Variants in FAF1 observed in about 807,000 individuals in gnomAD.
FAF1 encodes the protein Fas associated factor 1.
Under a neutral mutation model 92.5 loss-of-function variants are expected in FAF1, and 25 were observed. That is an observed-to-expected ratio of 0.27 (90% CI 0.20 to 0.38). The LOEUF is 0.38. FAF1 is among the 10% of genes least tolerant of loss of function. The pLI is 1.00. For missense variants in FAF1, 636 were observed against 793.3 expected (o/e 0.80, Z 2.38); for synonymous variants, 234 against 273.2 (o/e 0.86, Z 1.42).
rs529863954 is a variant in FAF1, at chr1:50,857,248, A to G, written c.114+681T>C. Among the ~76,000 whole-genome samples, 707 of 151,954 alleles carry G rather than the reference A, an allele frequency of 4.7e-3. 4 individuals carry two copies. Among genetic ancestry groups the G allele is most frequent in the African/African-American group, 0.014 (578 of 41,502 alleles). On this transcript the variant is annotated intron_variant, in intron 2 of 18. Coordinates refer to ENST00000396153, the MANE Select transcript of FAF1 (RefSeq NM_007051.3). ...TACCTACATATCTAAACTCACTTCTATAAGTACACATCTTAAGTTTTGACT... is the reference window on the plus strand; with the variant it reads ...TACCTACATATCTAAACTCACTTCTGTAAGTACACATCTTAAGTTTTGACT...
At chr1:50,952,586 G>A (rs1455870827) in intron 1 of FAF1, among the ~76,000 whole-genome samples, 1 of 152,166 alleles carries the variant, frequency 6.6e-6, no homozygotes, top group Non-Finnish European at 1.5e-5. Flanking sequence ...GGGATGTGAG[G>A]AGCCCCTCTG....
chr1:50,743,782 A>G (rs183538149), intron 5 of FAF1, among the ~76,000 whole-genome samples: 49 of 152,112 alleles, frequency 3.2e-4, no homozygotes, highest in African/African-American at 1.1e-3. Flanking sequence ...AAGAAAAAAA[A>G]GTGTGTAAGC....
chr1:50,546,250 T>C (rs1262699062), intron 13 of FAF1, among the ~76,000 whole-genome samples: 1 of 152,236 alleles, frequency 6.6e-6, no homozygotes, highest in African/African-American at 2.4e-5. Context: ...TAGATTTCTT[T>C]ATTAACTGAT....
intron 1 of FAF1, among the ~76,000 whole-genome samples, chr1:50,890,796 T>C (rs895922036): frequency 6.6e-6 from 1 of 152,188 alleles, no homozygotes; most frequent in Non-Finnish European, 1.5e-5. Context: ...CCCTTAACAT[T>C]TTTTCCTTCA....
intron 7 of FAF1, among the ~76,000 whole-genome samples, chr1:50,692,255 G>GTA (rs2124395438): frequency 6.9e-6 from 1 of 145,326 alleles, no homozygotes; most frequent in African/African-American, 2.5e-5. Flanking sequence ...GTGTGTGTGT[G>GTA]TGTGTGTGTG....
At chr1:50,850,212 G>T (rs557206229) in intron 2 of FAF1, among the ~76,000 whole-genome samples, 1 of 152,094 alleles carries the variant, frequency 6.6e-6, no homozygotes, top group South Asian at 2.1e-4. Flanking sequence ...CTTAGAGGTA[G>T]AAATACATAC....
In FAF1 at chr1:50,805,228, C is replaced by A. The variant is rs61643320; in HGVS notation, c.115-3551G>T. 7.7e-3 allele frequency among the ~76,000 whole-genome samples: 1,177 copies of A among 152,200 alleles called. 12 individuals are homozygous for A. The highest frequency in any genetic ancestry group is 0.027 in the African/African-American group (1,138 of 41,522). On this transcript the variant is annotated intron_variant, in intron 2 of 18. Transcript: ENST00000396153. ...AATGTATTTTAAGAAGAACATCTTG[C>A]CTTGACCTAGTTTATACTCATTTGA...
intron 15 of FAF1, among the ~76,000 whole-genome samples, chr1:50,528,950 A>G (rs1479398816): frequency 6.6e-6 from 1 of 152,140 alleles, no homozygotes; most frequent in Non-Finnish European, 1.5e-5. Context: ...TTATTTCTCT[A>G]GTTCACTTTA....
chr1:50,622,711 A>G (rs1277488735), intron 8 of FAF1, among the ~76,000 whole-genome samples: 1 of 152,156 alleles, frequency 6.6e-6, no homozygotes, highest in Non-Finnish European at 1.5e-5. Flanking sequence ...AGGATGGTAA[A>G]GAGGAACAGA....
At chr1:50,685,487 A>C (rs944805924) in intron 7 of FAF1, among the ~76,000 whole-genome samples, 9 of 152,210 alleles carry the variant, frequency 5.9e-5, no homozygotes, top group Admixed American at 5.9e-4. Context: ...AAGCACTACA[A>C]ATCATAAAAT....
chr1:50,519,199 G>A (rs934603875), intron 15 of FAF1, among the ~76,000 whole-genome samples: 3 of 151,832 alleles, frequency 2.0e-5, no homozygotes, highest in African/African-American at 7.3e-5. Context: ...GTGTAGTGGT[G>A]GGCACCTGAA....
chr1:50,575,124 G>T lies in FAF1; in HGVS notation c.1113+7494C>A, dbSNP rs1650664245. Among the ~76,000 whole-genome samples the T allele has an allele frequency of 5.9e-5, 9 of 152,148 alleles. No homozygotes were observed. The South Asian group carries it at 1.9e-3, about 32-fold the overall frequency. On this transcript the variant is annotated intron_variant, in intron 12 of 18. Transcript: ENST00000396153. ...GGGGTTTCACCGTGTTAGCCAGGAT[G>T]ATCTTGATCTCTTGACCTCGTGATC...
At chr1:50,442,694 G>A (rs899897650) in intron 18 of FAF1, among the ~76,000 whole-genome samples, 6 of 152,162 alleles carry the variant, frequency 3.9e-5, no homozygotes, top group African/African-American at 1.4e-4. Flanking sequence ...AGATGGTTCT[G>A]GTGTCTTCTT....
intron 2 of FAF1, among the ~76,000 whole-genome samples, chr1:50,842,504 CCA>C (rs1414146681): frequency 6.6e-6 from 1 of 151,964 alleles, no homozygotes; most frequent in African/African-American, 2.4e-5. Flanking sequence ...AATATTCTTG[CCA>C]CACACAAAAT....
chr1:50,563,623 G>A (rs1339668393), intron 13 of FAF1, among the ~76,000 whole-genome samples: 1 of 152,094 alleles, frequency 6.6e-6, no homozygotes. Flanking sequence ...GGAAATAAAT[G>A]CATACATTCA....
intron 15 of FAF1, among the ~76,000 whole-genome samples, chr1:50,528,248 A>G (rs1647946956): frequency 6.6e-6 from 1 of 152,128 alleles, no homozygotes; most frequent in Non-Finnish European, 1.5e-5. Flanking sequence ...CAGGGTTTGC[A>G]TCCATTTTTA....
intron 1 of FAF1, among the ~76,000 whole-genome samples, chr1:50,928,770 G>A (rs1379730933): frequency 6.5e-5 from 7 of 107,648 alleles, no homozygotes; most frequent in Admixed American, 4.5e-4. Context: ...GCAACAGTGC[G>A]AGACTCCACC....
intron 15 of FAF1, among the ~76,000 whole-genome samples, chr1:50,496,935 T>C (rs1394525523): frequency 1.3e-5 from 2 of 151,598 alleles, no homozygotes; most frequent in Admixed American, 6.6e-5. Context: ...TGCAGCCTAA[T>C]GTAAGTGAAG....
chr1:50,887,223 G>C (rs1286768189), intron 1 of FAF1, among the ~76,000 whole-genome samples: 1 of 152,056 alleles, frequency 6.6e-6, no homozygotes, highest in Non-Finnish European at 1.5e-5. Flanking sequence ...TTGTTGATGG[G>C]GTTGTTGTTT....
Sources: allele counts gnomAD v4.1 joint callset (sites outside exome capture counted in the v4.1 genomes callset), GRCh38; gene constraint gnomAD v4.1.1; transcripts MANE v1.5; gene names NCBI Gene and HGNC (gene_info 2026-07-23, HGNC 2026-07-21).